The following PPP1R9A variants were observed in gnomAD, a reference collection of about 807,000 sequenced individuals.
PPP1R9A encodes the protein protein phosphatase 1 regulatory subunit 9A.
Under a neutral mutation model 141.9 loss-of-function variants are expected in PPP1R9A, and 59 were observed. That is an observed-to-expected ratio of 0.42 (90% CI 0.34 to 0.52). PPP1R9A has a LOEUF of 0.52. PPP1R9A is among the 20% of genes least tolerant of loss of function. The pLI, the probability that PPP1R9A is intolerant of heterozygous loss-of-function variation, is 0.10. For missense variants in PPP1R9A, 1,444 were observed against 1,611.9 expected, an observed-to-expected ratio of 0.90 and a Z score of 1.78; for synonymous variants, 500 against 569.7, an observed-to-expected ratio of 0.88 and a Z score of 1.74.
chr7:95,013,303 A>G (rs1238099910), intron 2 of PPP1R9A, among the ~76,000 whole-genome samples: 1 of 152,152 alleles, frequency 6.6e-6, no homozygotes, highest in African/African-American at 2.4e-5. Context: ...ACCTTAATTC[A>G]GTATGGTAAA....
At chr7:94,929,124 A>G (rs553045919) in intron 2 of PPP1R9A, among the ~76,000 whole-genome samples, 2 of 152,220 alleles carry the variant, frequency 1.3e-5, no homozygotes, top group Non-Finnish European at 2.9e-5. Context: ...GCCATTTTCA[A>G]TTATCGGACA....
chr7:94,958,522 CT>C (rs773201389), intron 2 of PPP1R9A, among the ~76,000 whole-genome samples: 2 of 151,766 alleles, frequency 1.3e-5, no homozygotes, highest in South Asian at 2.1e-4. Flanking sequence ...CTTCTTTTTT[CT>C]TTTTTGCTTA....
intron 2 of PPP1R9A, among the ~76,000 whole-genome samples, chr7:95,110,033 T>C (rs1820277284): frequency 1.3e-5 from 2 of 152,112 alleles, no homozygotes. Flanking sequence ...CATGAGGCTA[T>C]GAAAACATGT....
chr7:94,929,585 G>A (rs778412862), intron 2 of PPP1R9A, among the ~76,000 whole-genome samples: 2 of 152,100 alleles, frequency 1.3e-5, no homozygotes, highest in Non-Finnish European at 2.9e-5. Flanking sequence ...AATATTGTTG[G>A]TACATGTTAA....
chr7:94,988,826 C>A lies in PPP1R9A; in HGVS notation c.1395+77318C>A, dbSNP rs1239294654. The stretch of plus-strand genomic sequence containing the variant: ...ATATCCTAACATCCTGGATTGATAA[C>A]CTGCCTCCCACCCCATAATTTAGCC... On this transcript the variant is annotated intron_variant, in intron 2 of 19. Transcript: ENST00000433360. Among the ~76,000 whole-genome samples, 4 of 151,872 alleles carry A rather than the reference C, an allele frequency of 2.6e-5. No homozygotes were observed. In the East Asian group the frequency reaches 7.7e-4, roughly 29 times the overall value.
intron 4 of PPP1R9A, among the ~76,000 whole-genome samples, chr7:95,131,269 T>C (rs903213210): frequency 2.0e-5 from 3 of 152,178 alleles, no homozygotes; most frequent in Non-Finnish European, 4.4e-5. Flanking sequence ...AAGGGGAGTT[T>C]CCCTGCAGAA....
intron 14 of PPP1R9A, among the ~76,000 whole-genome samples, chr7:95,271,628 CTTA>C (rs1352420167): frequency 6.6e-6 from 1 of 152,126 alleles, no homozygotes; most frequent in African/African-American, 2.4e-5. Context: ...AGTCAAGTAT[CTTA>C]TTACAGTGAG....
At chr7:95,068,420 A>G (rs10255279) in intron 2 of PPP1R9A, among the ~76,000 whole-genome samples, 72,299 of 143,622 alleles carry the variant, frequency 0.5, 18,731 homozygotes, top group African/African-American at 0.62. Flanking sequence ...CGGTGAGCCG[A>G]GATCGCACCA....
intron 3 of PPP1R9A, among the ~76,000 whole-genome samples, chr7:95,120,454 G>A (rs12216685): frequency 0.12 from 17,907 of 152,182 alleles, 1,155 homozygotes; most frequent in Admixed American, 0.17. Context: ...CAATAATCAA[G>A]TTGTTACCTT....
At chr7:94,935,750 A>G (rs531606760) in intron 2 of PPP1R9A, among the ~76,000 whole-genome samples, 1 of 152,332 alleles carries the variant, frequency 6.6e-6, no homozygotes, top group East Asian at 1.9e-4. Context: ...TCAATTAACA[A>G]AAGTATTGCT....
intron 5 of PPP1R9A, among the ~76,000 whole-genome samples, chr7:95,169,820 A>G (rs1440729827): frequency 6.6e-6 from 1 of 151,928 alleles, no homozygotes; most frequent in African/African-American, 2.4e-5. Context: ...TTATTGTATT[A>G]CAAAAAATAT....
Position 95,140,990 on chromosome 7 carries a change from G to T in PPP1R9A, c.1649+20158G>T, listed in dbSNP as rs553484645. On this transcript the variant is annotated intron_variant, in intron 4 of 19. Coordinates refer to ENST00000433360, the MANE Select transcript of PPP1R9A (RefSeq NM_001166160.2). ...CTGCCCTGCCCTCCCAAAGTGCTAGGATTACAGGCTTGAGCCACTACTCCC... is the reference window on the plus strand; with the variant it reads ...CTGCCCTGCCCTCCCAAAGTGCTAGTATTACAGGCTTGAGCCACTACTCCC... Among the ~76,000 whole-genome samples, 6 of 152,282 alleles carry T rather than the reference G, an allele frequency of 3.9e-5. No homozygotes were observed. In the East Asian group the frequency reaches 5.8e-4, roughly 15 times the overall value.
chr7:95,159,217 TA>T (rs1830076542), intron 4 of PPP1R9A, among the ~76,000 whole-genome samples: 1 of 152,168 alleles, frequency 6.6e-6, no homozygotes, highest in South Asian at 2.1e-4. Flanking sequence ...TAAAATAAAT[TA>T]GGTAGAATTA....
At chr7:95,006,617 G>C (rs1243715276) in intron 2 of PPP1R9A, among the ~76,000 whole-genome samples, 1 of 152,108 alleles carries the variant, frequency 6.6e-6, no homozygotes, top group African/African-American at 2.4e-5. Flanking sequence ...ATATATTTCT[G>C]CAACACAGGA....
At chr7:95,145,894 C>T (rs781398391) in intron 4 of PPP1R9A, among the ~76,000 whole-genome samples, 2 of 152,212 alleles carry the variant, frequency 1.3e-5, no homozygotes, top group Non-Finnish European at 2.9e-5. Context: ...TTTATCCAGT[C>T]TATCATTGAT....
At chr7:95,205,743 G>A (rs1790647997) in intron 7 of PPP1R9A, among the ~76,000 whole-genome samples, 1 of 152,128 alleles carries the variant, frequency 6.6e-6, no homozygotes, top group Admixed American at 6.5e-5. Flanking sequence ...ACAAAGCATT[G>A]CTGGGCTAGT....
At chr7:95,206,745 C>T (rs964118002) in intron 7 of PPP1R9A, among the ~76,000 whole-genome samples, 3 of 152,108 alleles carry the variant, frequency 2.0e-5, no homozygotes, top group Non-Finnish European at 2.9e-5. Flanking sequence ...TCTTGAACTG[C>T]TTCTTTCACT....
chr7:95,044,456 A>T (rs920531820), intron 2 of PPP1R9A, among the ~76,000 whole-genome samples: 10 of 152,178 alleles, frequency 6.6e-5, no homozygotes, highest in African/African-American at 2.4e-4. Context: ...AAAGGGTCTA[A>T]TGAGTCTAAA....
chr7:95,257,343 T>TAA (rs1391047620), intron 12 of PPP1R9A, among the ~76,000 whole-genome samples: 1 of 152,078 alleles, frequency 6.6e-6, no homozygotes, highest in Non-Finnish European at 1.5e-5. Context: ...GTTCTGTGGG[T>TAA]AAAGGATGGA....
Sources: allele counts gnomAD v4.1 joint callset (sites outside exome capture counted in the v4.1 genomes callset), GRCh38; gene constraint gnomAD v4.1.1; transcripts MANE v1.5; gene names NCBI Gene and HGNC (gene_info 2026-07-23, HGNC 2026-07-21).